The following ERBB4 variants were observed in gnomAD, a reference collection of about 807,000 sequenced individuals.
The protein encoded by ERBB4 is erb-b2 receptor tyrosine kinase 4.
In ERBB4, 42 loss-of-function variants were observed where a neutral mutation model predicts 158.0. The observed-to-expected ratio is 0.27, with a 90% CI of 0.21 to 0.34. The LOEUF (loss-of-function observed/expected upper bound fraction) is 0.34. Ranked by LOEUF, ERBB4 falls within the 10% of genes least tolerant of loss-of-function variation. The pLI is 1.00. For missense variants in ERBB4, 1,333 were observed against 1,624.1 expected, an observed-to-expected ratio of 0.82 and a Z score of 3.08; for synonymous variants, 583 against 558.7, an observed-to-expected ratio of 1.04 and a Z score of -0.61.
chr2:211,397,730 A>G (rs1405406252), intron 25 of ERBB4, among the ~76,000 whole-genome samples: 1 of 152,006 alleles, frequency 6.6e-6, no homozygotes, highest in Non-Finnish European at 1.5e-5. Context: ...GGGCCCATTT[A>G]TTTCTGCCCC....
intron 3 of ERBB4, among the ~76,000 whole-genome samples, chr2:211,861,124 T>TTATATATATATATA (rs143515103): frequency 5.4e-4 from 11 of 20,260 alleles, no homozygotes; most frequent in African/African-American, 2.5e-3. Flanking sequence ...TATATATATT[T>TTATATATATATATA]TATATATATA....
chr2:212,515,334 A>G (rs1691763978), intron 1 of ERBB4, among the ~76,000 whole-genome samples: 1 of 152,226 alleles, frequency 6.6e-6, no homozygotes, highest in African/African-American at 2.4e-5. Flanking sequence ...ACTGGTTTGT[A>G]GTCCACAGAT....
chr2:212,486,539 G>C (rs758424685), intron 1 of ERBB4, among the ~76,000 whole-genome samples: 11 of 152,158 alleles, frequency 7.2e-5, no homozygotes, highest in Non-Finnish European at 1.2e-4. Context: ...TGAATTTGCA[G>C]CTCCCATTGC....
intron 3 of ERBB4, among the ~76,000 whole-genome samples, chr2:211,944,222 A>T (rs2080612849): frequency 1.8e-5 from 1 of 56,604 alleles, no homozygotes; most frequent in Non-Finnish European, 4.0e-5. Context: ...ATACACACAC[A>T]CACAAAAAAA....
intron 2 of ERBB4, among the ~76,000 whole-genome samples, chr2:212,055,694 C>A (rs1475866960): frequency 6.6e-6 from 1 of 152,206 alleles, no homozygotes; most frequent in Non-Finnish European, 1.5e-5. Flanking sequence ...CCAGCAAACT[C>A]CAAAAGACCT....
intron 3 of ERBB4, among the ~76,000 whole-genome samples, chr2:211,859,941 A>G (rs2077969757): frequency 6.6e-6 from 1 of 152,224 alleles, no homozygotes; most frequent in Non-Finnish European, 1.5e-5. Flanking sequence ...GATTCATTAC[A>G]AACGTATTGG....
chr2:212,169,187 T>C (rs1319567001), intron 1 of ERBB4, among the ~76,000 whole-genome samples: 1 of 152,116 alleles, frequency 6.6e-6, no homozygotes, highest in Non-Finnish European at 1.5e-5. Context: ...TATAGAAATG[T>C]TGGTATGAGT....
At chr2:212,531,148 G>A (rs1461973788) in intron 1 of ERBB4, among the ~76,000 whole-genome samples, 2 of 152,006 alleles carry the variant, frequency 1.3e-5, no homozygotes, top group African/African-American at 2.4e-5. Flanking sequence ...AATCTTTTAC[G>A]GGGGTCCACT....
intron 19 of ERBB4, among the ~76,000 whole-genome samples, chr2:211,567,767 A>T (rs2067593768): frequency 6.6e-6 from 1 of 151,856 alleles, no homozygotes; most frequent in African/African-American, 2.4e-5. Flanking sequence ...AAAACGAACA[A>T]GACACTAATT....
intron 1 of ERBB4, among the ~76,000 whole-genome samples, chr2:212,432,734 T>C (rs2092055592): frequency 6.6e-6 from 1 of 152,156 alleles, no homozygotes; most frequent in Admixed American, 6.6e-5. Flanking sequence ...ACATCATTAA[T>C]AACCCACAGA....
intron 2 of ERBB4, among the ~76,000 whole-genome samples, chr2:212,080,677 A>T (rs1439065400): frequency 3.2e-4 from 3 of 9,356 alleles, no homozygotes; most frequent in Non-Finnish European, 6.1e-4. Context: ...TATAAATAGT[A>T]AAAAAAAAAA....
chr2:211,499,650 A>T (rs893691828), intron 20 of ERBB4, among the ~76,000 whole-genome samples: 2 of 152,146 alleles, frequency 1.3e-5, no homozygotes, highest in Admixed American at 6.5e-5. Context: ...ACAGATAGAA[A>T]CAATATATTT....
intron 1 of ERBB4, among the ~76,000 whole-genome samples, chr2:212,508,562 T>C (rs1691322695): frequency 6.6e-6 from 1 of 152,032 alleles, no homozygotes; most frequent in South Asian, 2.1e-4. Context: ...TATATACTTA[T>C]GAAAAACTTA....
intron 1 of ERBB4, among the ~76,000 whole-genome samples, chr2:212,309,257 G>C (rs115220943): frequency 0.014 from 2,184 of 150,900 alleles, 52 homozygotes; most frequent in African/African-American, 0.05. Context: ...AACACTTTTA[G>C]TCTGTTTTGA....
intron 15 of ERBB4, among the ~76,000 whole-genome samples, chr2:211,664,969 T>A (rs1341444070): frequency 6.6e-6 from 1 of 152,194 alleles, no homozygotes; most frequent in Non-Finnish European, 1.5e-5. Flanking sequence ...TTTAAAGATT[T>A]GATAAACACA....
intron 1 of ERBB4, among the ~76,000 whole-genome samples, chr2:212,188,139 T>C (rs556520111): frequency 1.5e-3 from 224 of 148,832 alleles, no homozygotes; most frequent in Middle Eastern, 7.2e-3. Context: ...TAGCCATCCA[T>C]GTCAAATCCC....
intron 1 of ERBB4, among the ~76,000 whole-genome samples, chr2:212,345,101 T>C (rs2088920880): frequency 6.6e-6 from 1 of 151,302 alleles, no homozygotes; most frequent in Admixed American, 6.6e-5. Flanking sequence ...CCGTCTCTAC[T>C]AAAAATACAA....
chr2:211,943,905 A>G (rs1332714527), intron 3 of ERBB4, among the ~76,000 whole-genome samples: 2 of 151,792 alleles, frequency 1.3e-5, no homozygotes, highest in Non-Finnish European at 2.9e-5. Context: ...TGTCTAAGTG[A>G]CATCCAACCA....
At chr2:211,564,474 T>C (rs2067492295) in intron 19 of ERBB4, among the ~76,000 whole-genome samples, 1 of 152,170 alleles carries the variant, frequency 6.6e-6, no homozygotes, top group African/African-American at 2.4e-5. Flanking sequence ...AATTTACATA[T>C]GATAAAAATA....
Sources: allele counts gnomAD v4.1 joint callset (sites outside exome capture counted in the v4.1 genomes callset), GRCh38; gene constraint gnomAD v4.1.1; transcripts MANE v1.5; gene names NCBI Gene and HGNC (gene_info 2026-07-23, HGNC 2026-07-21).